Variants in SLC1A6 observed in about 807,000 individuals in gnomAD.
SLC1A6 encodes solute carrier family 1 member 6.
A neutral mutation model predicts 42.1 loss-of-function variants in SLC1A6; 15 were observed. That is an observed-to-expected ratio of 0.36 (90% CI 0.24 to 0.55). SLC1A6 has a LOEUF of 0.55. SLC1A6 is among the 20% of genes least tolerant of loss of function. SLC1A6 has a pLI of 0.88. For synonymous variants in SLC1A6, 317 were observed against 319.7 expected (o/e 0.99, Z 0.09); for missense variants, 542 against 772.5 (o/e 0.70, Z 3.54).
chr19:14,961,758 T>A, intron 6 of SLC1A6: 6 of 463,912 alleles, frequency 1.3e-5, no homozygotes, highest in East Asian at 3.7e-5. Flanking sequence ...AATGAAAGAG[T>A]GAGATATTCC....
chr19:14,979,050 T>TCTCACA lies in SLC1A6; in HGVS notation c.-8+258_-8+259insTGTGAG, dbSNP rs993487319. On this transcript the variant is annotated intron_variant, in intron 1 of 9. Coordinates refer to ENST00000594383, the MANE Select transcript of SLC1A6 (RefSeq NM_005071.3). This position sits in a 1 kb window ranked among gnomAD's most constrained non-coding sequence, Gnocchi z 4.2. ...CAAATTCAGTCTCTCTCTCTCTCTG[T>TCTCACA]CACACACACACACACACACACACAC... is the stretch of plus-strand genomic sequence containing the variant. Among the ~76,000 whole-genome samples the TCTCACA allele has an allele frequency of 6.1e-5, 8 of 131,298 alleles. No homozygotes were observed. Among genetic ancestry groups the TCTCACA allele is most frequent in the African/African-American group, 8.5e-5 (3 of 35,118 alleles). The allele number at this position is 131,298 out of a possible 152,430, so 86.1% of individuals were successfully genotyped here.
At chr19:15,007,860 A>T (rs2045903174) in intron 1 of SLC1A6, among the ~76,000 whole-genome samples, 1 of 151,914 alleles carries the variant, frequency 6.6e-6, no homozygotes. Context: ...CCCCATTTCT[A>T]CTAAAAATAC....
In SLC1A6 at chr19:14,968,510, G is replaced by A. The variant is rs2045600180; in HGVS notation, c.344-3C>T. 6.2e-7 allele frequency: 1 copy of A among 1,604,238 alleles called. No individual in the cohort carries two copies. The highest frequency in any genetic ancestry group is 1.7e-5 in the Admixed American group (1 of 59,594). On this transcript the variant is annotated splice_polypyrimidine_tract_variant and splice_region_variant and intron_variant, in intron 3 of 9. Coordinates refer to ENST00000594383, the MANE Select transcript of SLC1A6 (RefSeq NM_005071.3). ...CTTGTTGTCCAGGGATGCCATACCT[G>A]AAGGACAGATGATGTGGCCCCCGCA...
intron 1 of SLC1A6, among the ~76,000 whole-genome samples, chr19:15,007,214 C>T (rs910436607): frequency 5.3e-5 from 8 of 152,152 alleles, no homozygotes; most frequent in Non-Finnish European, 7.3e-5. Flanking sequence ...ATGAAAAGGA[C>T]AGAAGCACTG....
intron 6 of SLC1A6, 23 bp downstream of exon 6, chr19:14,961,979 C>A (rs763649330): frequency 6.3e-7 from 1 of 1,588,074 alleles, no homozygotes; most frequent in South Asian, 1.1e-5. Flanking sequence ...TCCACCATCC[C>A]GTGGGCACAG....
At chr19:14,984,411 C>G (rs1248454592), upstream of SLC1A6, among the ~76,000 whole-genome samples, 1 of 152,000 alleles carries the variant, frequency 6.6e-6, no homozygotes, top group Non-Finnish European at 1.5e-5. Flanking sequence ...GTATCTGCTT[C>G]TGCATTGAAT....
At chr19:15,007,922 G>A (rs1036632930) in intron 1 of SLC1A6, among the ~76,000 whole-genome samples, 2 of 152,022 alleles carry the variant, frequency 1.3e-5, no homozygotes, top group African/African-American at 2.4e-5. Flanking sequence ...CTACCCGGGA[G>A]GCTGAGGCAG....
chr19:14,962,390 AT>A, intron 5 of SLC1A6, 45 bp from the exon 6 acceptor site: 1 of 1,440,224 alleles, frequency 6.9e-7, no homozygotes, highest in Non-Finnish European at 9.7e-7. Context: ...CAGCGGATGC[AT>A]TAGAATCGCC....
intron 9 of SLC1A6, among the ~76,000 whole-genome samples, chr19:14,951,253 C>CAAAAAAAAAAAA: frequency 1.2e-5 from 1 of 86,856 alleles, no homozygotes; most frequent in Non-Finnish European, 2.1e-5. Context: ...CTCTGTCTCA[C>CAAAAAAAAAAAA]AAAAAAAAAA....
Position 14,968,415 on chromosome 19 carries a change from C to T in SLC1A6, c.436G>A (p.Gly146Ser), listed in dbSNP as rs568446140. 4 of 1,613,694 alleles carry T rather than the reference C, an allele frequency of 2.5e-6. No homozygotes were observed. The highest frequency in any genetic ancestry group is 3.4e-6 in the Non-Finnish European group (4 of 1,179,884). The change falls in exon 4 of 10, where the codon GGC (glycine) becomes AGC (serine). Residue 146 changes from glycine (G) to serine (S), a missense_variant. By Grantham distance (56) the Gly-to-Ser change is moderately conservative. This residue lies in a region of SLC1A6 where 298 missense variants were observed against 419.4 expected (regional missense o/e 0.71). Transcript: ENST00000594383. ...TGGATGATGGTGACCATGAGGATGC[C>T]GATGAAGACCGCGATGATGGTGGTC... Reference protein sequence around the residue: ...MVTTIIAVFIGILMVTIIHPG... With the variant: ...MVTTIIAVFISILMVTIIHPG...
chr19:14,982,306 A>G (rs112706966), upstream of SLC1A6, among the ~76,000 whole-genome samples: 7,505 of 152,216 alleles, frequency 0.049, 393 homozygotes, highest in African/African-American at 0.13. Flanking sequence ...GAGGTGGGCA[A>G]ATCACTAGAG....
chr19:14,952,785 C>T (rs933326900), intron 9 of SLC1A6, 143 bp downstream of exon 9: 1 of 985,718 alleles, frequency 1.0e-6, no homozygotes, highest in Admixed American at 3.2e-5. Flanking sequence ...GGATTGGAGG[C>T]CTCTCCAAGG....
chr19:14,970,439 G>C lies in SLC1A6; in HGVS notation c.343+1298C>G, dbSNP rs563065109. On this transcript the variant is annotated intron_variant, in intron 3 of 9. Coordinates refer to ENST00000594383, the MANE Select transcript of SLC1A6 (RefSeq NM_005071.3). ...AAGAATATAGTATAATGGCCGGGCG[G>C]GGTGGCTCACACCTGTAATCCCAGC... 1.1e-4 allele frequency among the ~76,000 whole-genome samples: 16 copies of C among 151,990 alleles called. No individual in the cohort carries two copies. In the East Asian group the frequency reaches 1.2e-3, roughly 11 times the overall value.
rs1207421342 is a variant in SLC1A6 at position 14,950,244 on chromosome 19, T to A, written c.1646A>T (p.Gln549Leu). ...CCGTCCCCGGGATGCCCCCTTCTCC[T>A]GTGCCATGAGGGACTTGTAGGGTTT... ...LGKPYKSLMA[Q>L]EKGASRGRGG... Residue 549 changes from glutamine to leucine, a missense_variant, in exon 10 of 10, where the codon CAG becomes CTG. Around this residue, in one of 6 missense-constraint regions of SLC1A6, gnomAD observed 73 missense variants for 85.2 expected, o/e 0.86. Transcript: ENST00000594383. 1 of 1,605,740 alleles carries A rather than the reference T, an allele frequency of 6.2e-7. No homozygotes were observed. Among genetic ancestry groups the A allele is most frequent in the Non-Finnish European group, 8.5e-7 (1 of 1,174,456 alleles).
chr19:15,006,597 T>C (rs1181525652), intron 1 of SLC1A6, among the ~76,000 whole-genome samples: 3 of 151,708 alleles, frequency 2.0e-5, no homozygotes, highest in African/African-American at 7.3e-5. Context: ...TCATTCATTC[T>C]TTCTTGACTG....
intron 4 of SLC1A6, among the ~76,000 whole-genome samples, chr19:14,965,055 T>A (rs1156577704): frequency 6.6e-6 from 1 of 151,820 alleles, no homozygotes; most frequent in Admixed American, 6.6e-5. Flanking sequence ...AGTCTTGCTC[T>A]GTCGCCCAGG....
chr19:15,004,803 G>A (rs2045888397), intron 1 of SLC1A6, among the ~76,000 whole-genome samples: 1 of 152,188 alleles, frequency 6.6e-6, no homozygotes. Flanking sequence ...GTTAGTTTAA[G>A]AGAGGTATTT....
At chr19:14,955,028 G>A (rs1354285211) in intron 7 of SLC1A6, among the ~76,000 whole-genome samples, 1 of 152,112 alleles carries the variant, frequency 6.6e-6, no homozygotes, top group African/African-American at 2.4e-5. Flanking sequence ...ATGTCTTATC[G>A]GAGAAAAGTG....
intron 1 of SLC1A6, among the ~76,000 whole-genome samples, chr19:14,992,158 T>C (rs1237978313): frequency 1.3e-5 from 2 of 152,250 alleles, no homozygotes; most frequent in Admixed American, 6.5e-5. Context: ...TGTGGCTCAG[T>C]TCAGCACTCT....
Sources: allele counts gnomAD v4.1 joint callset (sites outside exome capture counted in the v4.1 genomes callset), GRCh38; gene constraint gnomAD v4.1.1; regional missense constraint gnomAD v4.1.1; non-coding constraint Gnocchi (gnomAD v3.1); transcripts MANE v1.5; gene names NCBI Gene and HGNC (gene_info 2026-07-23, HGNC 2026-07-21).